Variants in KDM6A observed in about 807,000 individuals in gnomAD.
KDM6A encodes lysine-specific demethylase 6A.
In KDM6A, 11 loss-of-function variants were observed where a neutral mutation model predicts 117.6. The observed-to-expected ratio is 0.09, with a 90% CI of 0.06 to 0.15. KDM6A has a LOEUF of 0.15. KDM6A is among the 10% of genes least tolerant of loss of function. KDM6A has a pLI of 1.00. For missense variants in KDM6A, 799 were observed against 1,077.3 expected, an observed-to-expected ratio of 0.74 and a Z score of 3.62; for synonymous variants, 384 against 396.1, an observed-to-expected ratio of 0.97 and a Z score of 0.36.
intron 2 of KDM6A, among the ~76,000 whole-genome samples, chrX:44,879,351 A>G (rs1015760438): frequency 1.8e-5 from 2 of 112,298 alleles, no homozygotes; most frequent in South Asian, 7.2e-4. Context: ...AATTTATGTT[A>G]AGAAAACACT....
At position 44,876,242 on chromosome X, in the gene KDM6A, T is replaced by A. The variant is rs756556884; in HGVS notation, c.225+2255T>A. ...ATATGTGCTTGCAACCGCATATAGT[T>A]CTTGGTTGCATCTTTGTGAGCCTGA... On this transcript the variant is annotated intron_variant, in intron 2 of 29. Transcript: ENST00000611820. 2.7e-5 allele frequency among the ~76,000 whole-genome samples: 3 copies of A among 111,578 alleles called. 1 individual carries two copies. The South Asian group carries it at 1.1e-3, about 42-fold the overall frequency.
chrX:45,012,160 G>GAT (rs2041787812), intron 5 of KDM6A, among the ~76,000 whole-genome samples: 1 of 105,789 alleles, frequency 9.5e-6, no homozygotes, highest in South Asian at 4.2e-4. Context: ...GATCAAGTGA[G>GAT]ATACAGTACA....
intron 2 of KDM6A, among the ~76,000 whole-genome samples, chrX:44,886,937 CTT>C (rs757868291): frequency 2.1e-4 from 20 of 96,965 alleles, no homozygotes; most frequent in Admixed American, 2.3e-4. Flanking sequence ...AGATGAATAT[CTT>C]TTTTTTTTTT....
chrX:45,040,623 G>A (rs2043086351), intron 8 of KDM6A, among the ~76,000 whole-genome samples: 1 of 89,303 alleles, frequency 1.1e-5, no homozygotes, highest in Non-Finnish European at 2.2e-5. Flanking sequence ...CAGGCGGGGG[G>A]CTGATCACAC....
intron 2 of KDM6A, among the ~76,000 whole-genome samples, chrX:44,911,125 C>T (rs1294679748): frequency 9.4e-6 from 1 of 106,151 alleles, no homozygotes; most frequent in African/African-American, 3.5e-5. Flanking sequence ...CGGGCGGGGG[C>T]TGGCCCCCAC....
At chrX:44,984,635 G>C (rs374730477) in intron 4 of KDM6A, among the ~76,000 whole-genome samples, 1 of 111,682 alleles carries the variant, frequency 9.0e-6, no homozygotes, top group Admixed American at 9.5e-5. Flanking sequence ...CATATGGCTA[G>C]CCAGTTTTCC....
chrX:44,981,441 C>A (rs1468426461), intron 4 of KDM6A, among the ~76,000 whole-genome samples: 1 of 111,777 alleles, frequency 8.9e-6, no homozygotes, highest in East Asian at 2.8e-4. Flanking sequence ...AGCCTCCATG[C>A]CCTCTCTGGG....
At chrX:44,932,968 A>T (rs1332990094) in intron 2 of KDM6A, among the ~76,000 whole-genome samples, 1 of 105,316 alleles carries the variant, frequency 9.5e-6, no homozygotes, top group African/African-American at 3.5e-5. Flanking sequence ...GCTCACTGCA[A>T]CCTCTGCCTC....
chrX:44,882,937 T>G (rs2032449059), intron 2 of KDM6A, among the ~76,000 whole-genome samples: 1 of 111,811 alleles, frequency 8.9e-6, no homozygotes, highest in Non-Finnish European at 1.9e-5. Context: ...TGCTGTGAGC[T>G]CTGAAATGAT....
intron 27 of KDM6A, 32 bp downstream of exon 27, chrX:45,090,896 C>T (rs1465980354): frequency 8.4e-7 from 1 of 1,196,182 alleles, no homozygotes; most frequent in African/African-American, 1.8e-5. Flanking sequence ...TGTAGTCCCT[C>T]TCTTTTTGGG....
intron 2 of KDM6A, among the ~76,000 whole-genome samples, chrX:44,877,548 T>A (rs867321499): frequency 9.2e-6 from 1 of 109,060 alleles, no homozygotes; most frequent in Non-Finnish European, 1.9e-5. Flanking sequence ...TTTTTTTTTT[T>A]AAGTAGGGTA....
intron 2 of KDM6A, among the ~76,000 whole-genome samples, chrX:44,950,047 C>A (rs1204163028): frequency 1.9e-5 from 2 of 107,986 alleles, no homozygotes; most frequent in Non-Finnish European, 3.8e-5. Flanking sequence ...GATGGAGTCT[C>A]GCTCTGTCAC....
chrX:44,990,509 C>T (rs1399795550), intron 4 of KDM6A, among the ~76,000 whole-genome samples: 3 of 109,073 alleles, frequency 2.8e-5, no homozygotes, highest in South Asian at 4.0e-4. Flanking sequence ...GAGATTGCGC[C>T]GTTGCACTCC....
chrX:45,047,320 A>G (rs1270561807), intron 8 of KDM6A, among the ~76,000 whole-genome samples: 12 of 106,886 alleles, frequency 1.1e-4, no homozygotes, highest in East Asian at 2.9e-4. Flanking sequence ...TCGGACTCCA[A>G]TTACATGTAT....
rs1468560675 is a variant in KDM6A at position 44,983,859 on chromosome X, C to T, written c.384+9144C>T. Reference sequence around the variant, plus strand: ...AAGTCTTTGCTATTGTGAATAGTGCCGCAATAAACATACATGTGCATGTGT... The same window carrying T: ...AAGTCTTTGCTATTGTGAATAGTGCTGCAATAAACATACATGTGCATGTGT... On this transcript the variant is annotated intron_variant, in intron 4 of 29. Transcript: ENST00000611820. Among the ~76,000 whole-genome samples the T allele has an allele frequency of 2.3e-4, 25 of 108,707 alleles. 1 individual carries two copies. Among genetic ancestry groups the T allele is most frequent in the Non-Finnish European group, 1.3e-4 (7 of 52,326 alleles). 94.4% of individuals were successfully genotyped at this position (108,707 alleles called of 115,157 possible). A position where few individuals can be genotyped will look rare whatever the true frequency, so the allele number is the denominator to read the frequency against.
At chrX:44,930,235 T>C (rs1037478879) in intron 2 of KDM6A, among the ~76,000 whole-genome samples, 11 of 111,944 alleles carry the variant, frequency 9.8e-5, no homozygotes, top group Admixed American at 2.9e-4. Flanking sequence ...TTTGCAAATA[T>C]TTTCTTCAGT....
chrX:45,002,582 A>G (rs1222728082), intron 4 of KDM6A, among the ~76,000 whole-genome samples: 1 of 112,349 alleles, frequency 8.9e-6, no homozygotes, highest in African/African-American at 3.2e-5. Context: ...TAATCCTTTT[A>G]CCAAAGGTAT....
intron 3 of KDM6A, among the ~76,000 whole-genome samples, chrX:44,964,382 G>A (rs1462730786): frequency 2.8e-5 from 3 of 105,496 alleles, no homozygotes; most frequent in Non-Finnish European, 5.8e-5. Context: ...CCAGAAGGGG[G>A]AGGTTGCAGT....
intron 5 of KDM6A, among the ~76,000 whole-genome samples, chrX:45,016,656 C>G (rs1387906903): frequency 9.0e-6 from 1 of 110,615 alleles, no homozygotes; most frequent in South Asian, 3.8e-4. Context: ...CGTGCCACCA[C>G]GCCCAGCTAA....
Sources: gnomAD v4.1 joint callset for allele counts (sites outside exome capture counted in the v4.1 genomes callset) on GRCh38, gnomAD v4.1.1 for gene constraint, MANE v1.5 for transcripts, NCBI Gene and HGNC (gene_info 2026-07-23, HGNC 2026-07-21) for gene names.